UNC119B: variants seen among roughly 807,000 people sequenced by gnomAD.
UNC119B encodes the protein protein unc-119 homolog B.
In UNC119B, 16 loss-of-function variants were observed where a neutral mutation model predicts 23.4. That is an observed-to-expected ratio of 0.68 (90% CI 0.46 to 1.04). UNC119B has a LOEUF of 1.04. UNC119B is among the 50% of genes least tolerant of loss of function. UNC119B has a pLI of 0.00. For missense variants in UNC119B, 350 were observed against 361.3 expected, an observed-to-expected ratio of 0.97 and a Z score of 0.25; for synonymous variants, 144 against 145.4, an observed-to-expected ratio of 0.99 and a Z score of 0.07.
In UNC119B at chr12:120,710,831, G is replaced by C. The variant is rs1428611188; in HGVS notation, c.244+113G>C. 4 of 1,092,852 alleles carry C rather than the reference G, an allele frequency of 3.7e-6. No homozygotes were observed. In the Middle Eastern group the frequency reaches 1.1e-3, roughly 288 times the overall value. 67.7% of individuals were successfully genotyped at this position (1,092,852 alleles called of 1,614,324 possible). A position where few individuals can be genotyped will look rare whatever the true frequency, so the allele number is the denominator to read the frequency against. On this transcript the variant is annotated intron_variant, in intron 1 of 4. Transcript: ENST00000344651. Reference sequence around the variant, plus strand: ...GGGTCCCCGCCAGACCCCCTCGGCCGGCCGGGCCGCGCTTCCCGCTGCCCC... The same window carrying C: ...GGGTCCCCGCCAGACCCCCTCGGCCCGCCGGGCCGCGCTTCCCGCTGCCCC...
intron 2 of UNC119B, among the ~76,000 whole-genome samples, chr12:120,716,036 T>C (rs563891830): frequency 2.6e-5 from 4 of 152,222 alleles, no homozygotes; most frequent in Non-Finnish European, 5.9e-5. Context: ...TCTATTTAAA[T>C]AACAAAATTA....
intron 4 of UNC119B, among the ~76,000 whole-genome samples, chr12:120,718,487 T>C (rs35360964): frequency 0.38 from 57,153 of 151,998 alleles, 11,180 homozygotes; most frequent in Middle Eastern, 0.48. Flanking sequence ...GGGGCTGTTG[T>C]AGATTTTGGG....
At position 120,723,030 on chromosome 12, in the gene UNC119B, G is replaced by C. The variant is rs1225581429; in HGVS notation, c.*2998G>C. On this transcript the variant is annotated 3_prime_UTR_variant, in exon 5 of 5. Transcript: ENST00000344651. Reference sequence around the variant, plus strand: ...GGGCAATCTTCAGTTTATTTTTTCAGTTGAAGTGGAACTCATTTCTGGAAT... The same window carrying C: ...GGGCAATCTTCAGTTTATTTTTTCACTTGAAGTGGAACTCATTTCTGGAAT... 1.3e-5 allele frequency: 2 copies of C among 152,444 alleles called. No homozygotes were observed. Among genetic ancestry groups the C allele is most frequent in the Admixed American group, 1.3e-4 (2 of 15,284 alleles). 9.4% of individuals were successfully genotyped at this position (152,444 alleles called of 1,614,324 possible).
intron 1 of UNC119B, chr12:120,711,359 C>T (rs1468453745): frequency 2.6e-5 from 4 of 152,244 alleles, no homozygotes; most frequent in Non-Finnish European, 5.9e-5. Flanking sequence ...GTACAGACTC[C>T]GACATGTGAA....
At chr12:120,719,594 G>A (rs1882846651) in intron 4 of UNC119B, among the ~76,000 whole-genome samples, 1 of 152,178 alleles carries the variant, frequency 6.6e-6, no homozygotes, top group African/African-American at 2.4e-5. Flanking sequence ...AGGTTGGTGG[G>A]GTCCATGTTG....
chr12:120,722,074 A>G lies in UNC119B; in HGVS notation c.*2042A>G, dbSNP rs1882921310. On this transcript the variant is annotated 3_prime_UTR_variant, in exon 5 of 5. Coordinates refer to ENST00000344651, the MANE Select transcript of UNC119B (RefSeq NM_001080533.3). ...TCTGGAGCTGCCCAGAGCTGTGCTT[A>G]GTAGAGTGTGTCTTGGAAACATGCC... is the stretch of plus-strand genomic sequence containing the variant. 6.6e-6 allele frequency: 1 copy of G among 152,280 alleles called. No individual in the cohort carries two copies. Among genetic ancestry groups the G allele is most frequent in the Non-Finnish European group, 1.5e-5 (1 of 68,076 alleles). 9.4% of individuals were successfully genotyped at this position (152,280 alleles called of 1,614,324 possible).
intron 4 of UNC119B, among the ~76,000 whole-genome samples, 190 bp downstream of exon 4, chr12:120,717,232 C>CATT (rs1566020317): frequency 2.0e-5 from 3 of 152,104 alleles, no homozygotes; most frequent in Non-Finnish European, 2.9e-5. Context: ...TGACTCGGCC[C>CATT]GTATGGGAGC....
intron 2 of UNC119B, 34 bp downstream of exon 2, chr12:120,713,421 T>C (rs760035356): frequency 2.0e-6 from 3 of 1,519,728 alleles, no homozygotes; most frequent in Admixed American, 1.8e-5. Context: ...CACTAGACAG[T>C]TTTGAGCCAA....
rs1427024652 is a variant in UNC119B, at chr12:120,713,539, G to T, written c.358+152G>T. On this transcript the variant is annotated intron_variant, in intron 2 of 4. Coordinates refer to ENST00000344651, the MANE Select transcript of UNC119B (RefSeq NM_001080533.3). ...CGTGGCCTGGTCTGCCAGGCATGGT[G>T]GTTTGAAGCTGCGTTCAGAGGCTGA... 4 of 614,682 alleles carry T rather than the reference G, an allele frequency of 6.5e-6. No individual in the cohort carries two copies. The Admixed American group carries it at 8.8e-5, about 13-fold the overall frequency. The allele number at this position is 614,682 out of a possible 1,614,324, so 38.1% of individuals were successfully genotyped here. A position where few individuals can be genotyped will look rare whatever the true frequency, so the allele number is the denominator to read the frequency against.
chr12:120,714,696 G>A (rs1165648188), intron 2 of UNC119B, among the ~76,000 whole-genome samples: 3 of 152,056 alleles, frequency 2.0e-5, no homozygotes, highest in Non-Finnish European at 2.9e-5. Context: ...TCATCTCTAA[G>A]CCACATATCA....
intron 2 of UNC119B, among the ~76,000 whole-genome samples, chr12:120,713,972 T>G (rs1882719725): frequency 6.6e-6 from 1 of 152,216 alleles, no homozygotes; most frequent in Non-Finnish European, 1.5e-5. Context: ...ACTCAACTAC[T>G]TGGGGTTCCT....
Position 120,716,681 on chromosome 12 carries a change from C to T in UNC119B, c.412C>T (p.Arg138Cys), listed in dbSNP as rs758356170. The T allele has an allele frequency of 2.8e-5, 46 of 1,614,048 alleles. No homozygotes were observed. The highest frequency in any genetic ancestry group is 3.6e-5 in the Non-Finnish European group (43 of 1,180,030). The change falls in exon 3 of 5, where the codon CGT becomes TGT. Residue 138 changes from arginine (R) to cysteine (C), a missense_variant. By Grantham distance (180) the Arg-to-Cys change is radical. Coordinates refer to ENST00000344651, the MANE Select transcript of UNC119B (RefSeq NM_001080533.3). Reference protein sequence around the residue: ...GGGDVDISAGRFVRYQFTPAF... With the variant: ...GGGDVDISAGCFVRYQFTPAF... The stretch of plus-strand genomic sequence containing the variant: ...TGGAGACGTGGACATCAGCGCAGGA[C>T]GTTTTGTCCGCTATCAGTTCACACC...
intron 1 of UNC119B, 63 bp downstream of exon 1, chr12:120,710,781 G>A (rs902389638): frequency 5.5e-6 from 7 of 1,272,564 alleles, no homozygotes; most frequent in Middle Eastern, 3.1e-4. Flanking sequence ...AGCCTTCAGC[G>A]GACCCGGCCA....
At position 120,716,671 on chromosome 12, in the gene UNC119B, C is replaced by G. The variant is rs1042789416; in HGVS notation, c.402C>G (p.Ile134Met). Residue 134 changes from isoleucine to methionine, a missense_variant, in exon 3 of 5, where the codon ATC becomes ATG. Transcript: ENST00000344651. Reference sequence around the variant, plus strand: ...AGGAGGGAGGTGGAGACGTGGACATCAGCGCAGGACGTTTTGTCCGCTATC... The same window carrying G: ...AGGAGGGAGGTGGAGACGTGGACATGAGCGCAGGACGTTTTGTCCGCTATC... ...DEEEGGGDVDISAGRFVRYQF... is the reference protein window; with the variant it reads ...DEEEGGGDVDMSAGRFVRYQF... 1.9e-6 allele frequency: 3 copies of G among 1,614,090 alleles called. No homozygotes were observed. The highest frequency in any genetic ancestry group is 2.5e-6 in the Non-Finnish European group (3 of 1,180,054).
At position 120,717,011 on chromosome 12, in the gene UNC119B, CTA is replaced by C. The variant is rs1458972828; in HGVS notation, c.614_615del (p.Tyr205Ter). On this transcript the variant is annotated frameshift_variant, in exon 4 of 5. Coordinates refer to ENST00000344651, the MANE Select transcript of UNC119B (RefSeq NM_001080533.3). LOFTEE classifies it high-confidence loss of function. ...GCAGTAGGAACACTTGTGAACATAT[CTA>C]TGAGTTTCCCCAGCTTTCGGAGGAT... ...PSSRNTCEHI[Y>X]EFPQLSEDVI... 1 of 1,606,506 alleles carries C rather than the reference CTA, an allele frequency of 6.2e-7. No homozygotes were observed.
Position 120,710,495 on chromosome 12 carries a change from G to A in UNC119B, c.21G>A (p.Lys7=), listed in dbSNP as rs2136927616. 2.2e-6 allele frequency: 3 copies of A among 1,357,058 alleles called. No homozygotes were observed. Among genetic ancestry groups the A allele is most frequent in the Admixed American group, 3.7e-5 (1 of 27,188 alleles). 84.1% of individuals were successfully genotyped at this position (1,357,058 alleles called of 1,614,324 possible). ...GAGCGATGAGCGGGTCTAACCCGAA[G>A]GCTGCGGCCGCGGCGTCGGCGGCTG... MSGSNP[K]AAAAASAAGP... is the part of the protein sequence containing the mutation. The change falls in exon 1 of 5, where the codon AAG becomes AAA. Residue 7 remains lysine (K), a synonymous_variant. Transcript: ENST00000344651.
At position 120,720,070 on chromosome 12, in the gene UNC119B, G is replaced by A. The variant is rs1178218322; in HGVS notation, c.*38G>A. 3 of 1,464,150 alleles carry A rather than the reference G, an allele frequency of 2.0e-6. No homozygotes were observed. In the East Asian group the frequency reaches 6.8e-5, roughly 33 times the overall value. The allele number at this position is 1,464,150 out of a possible 1,614,324, so 90.7% of individuals were successfully genotyped here. A position where few individuals can be genotyped will look rare whatever the true frequency, so the allele number is the denominator to read the frequency against. ...TAGATAGGGGAGGTGCTTTGCCGCG[G>A]CCACAAGATCCTGGCACACGGAGAT... is the stretch of plus-strand genomic sequence containing the variant. On this transcript the variant is annotated 3_prime_UTR_variant, in exon 5 of 5. Coordinates refer to ENST00000344651, the MANE Select transcript of UNC119B (RefSeq NM_001080533.3).
At chr12:120,717,479 G>C (rs577572857) in intron 4 of UNC119B, among the ~76,000 whole-genome samples, 1 of 151,890 alleles carries the variant, frequency 6.6e-6, no homozygotes, top group Non-Finnish European at 1.5e-5. Context: ...GGCTGGTCTC[G>C]AACACTTGAC....
chr12:120,714,978 C>T (rs1882744934), intron 2 of UNC119B, among the ~76,000 whole-genome samples: 1 of 152,082 alleles, frequency 6.6e-6, no homozygotes, highest in Admixed American at 6.5e-5. Context: ...ACTTGAGCCC[C>T]AGGAGTTTGA....
Sources: gnomAD v4.1 joint callset for allele counts (sites outside exome capture counted in the v4.1 genomes callset) on GRCh38, gnomAD v4.1.1 for gene constraint, MANE v1.5 for transcripts, NCBI Gene and HGNC (gene_info 2026-07-23, HGNC 2026-07-21) for gene names.